The following CPVL variants were observed in gnomAD, a reference collection of about 807,000 sequenced individuals.
CPVL encodes carboxypeptidase vitellogenic like.
In CPVL, 51 loss-of-function variants were observed where a neutral mutation model predicts 63.7. The observed-to-expected ratio is 0.80, with a 90% CI of 0.64 to 1.01. The LOEUF (loss-of-function observed/expected upper bound fraction) is 1.01, where lower values mean the gene tolerates loss of function less well. Among genes scored for constraint, CPVL ranks in the 50% least tolerant of loss-of-function variants. CPVL has a pLI of 0.00. For missense variants in CPVL, 530 were observed against 573.1 expected (o/e 0.92, Z 0.77); for synonymous variants, 195 against 206.0 (o/e 0.95, Z 0.46).
intron 1 of CPVL, chr7:29,194,214 C>G (rs1319919306): frequency 7.0e-6 from 1 of 143,182 alleles, no homozygotes; most frequent in African/African-American, 2.5e-5. Context: ...CCATCCCCTT[C>G]AAATCCTAGG....
At chr7:29,148,626 TAAG>T (rs1274368693), upstream of CPVL, 13 of 152,366 alleles carry the variant, frequency 8.5e-5, no homozygotes, top group African/African-American at 3.1e-4. Flanking sequence ...CATTTCGACT[TAAG>T]AAGTTATTAA....
At chr7:29,191,940 G>T (rs759091634) in intron 1 of CPVL, 28 of 152,220 alleles carry the variant, frequency 1.8e-4, no homozygotes, top group Non-Finnish European at 4.0e-4. Context: ...GCAAGGAGCA[G>T]CCAGCCTTCA....
At chr7:29,070,996 A>T (rs1783676155) in intron 9 of CPVL, among the ~76,000 whole-genome samples, 1 of 152,200 alleles carries the variant, frequency 6.6e-6, no homozygotes, top group Admixed American at 6.5e-5. Flanking sequence ...CTCGAAATTC[A>T]GACCTTGCCT....
intron 1 of CPVL, 52 bp downstream of exon 1, chr7:29,146,377 A>G: frequency 1.5e-6 from 1 of 672,576 alleles, no homozygotes; most frequent in Non-Finnish European, 2.4e-6. Context: ...GACCGAGGCG[A>G]GGACCTGTCC....
intron 12 of CPVL, among the ~76,000 whole-genome samples, chr7:29,016,992 C>A (rs985827789): frequency 6.6e-6 from 1 of 152,172 alleles, no homozygotes; most frequent in African/African-American, 2.4e-5. Context: ...CCATTATAAA[C>A]TTCCCAAAGA....
intron 5 of CPVL, among the ~76,000 whole-genome samples, chr7:29,151,906 G>A (rs1408695603): frequency 6.6e-6 from 1 of 152,216 alleles, no homozygotes; most frequent in Non-Finnish European, 1.5e-5. Flanking sequence ...TTCACTGGTT[G>A]AAGGAAAGAC....
chr7:29,120,693 T>C (rs1397022094), intron 2 of CPVL, among the ~76,000 whole-genome samples, 200 bp downstream of exon 2: 1 of 151,016 alleles, frequency 6.6e-6, no homozygotes, highest in African/African-American at 2.4e-5. Context: ...TGGTGGCTTG[T>C]GCCTATAATC....
intron 11 of CPVL, among the ~76,000 whole-genome samples, chr7:29,049,376 A>G (rs966270156): frequency 6.6e-5 from 10 of 152,196 alleles, no homozygotes; most frequent in African/African-American, 2.4e-4. Context: ...ATTCAAGGCT[A>G]CTATGAACAC....
chr7:29,005,972 T>C (rs966077867), intron 12 of CPVL, among the ~76,000 whole-genome samples: 2 of 152,182 alleles, frequency 1.3e-5, no homozygotes, highest in Non-Finnish European at 1.5e-5. Flanking sequence ...CAGTAAATGC[T>C]CTCGCCAGGA....
intron 11 of CPVL, among the ~76,000 whole-genome samples, chr7:29,051,782 T>C (rs917395175): frequency 6.6e-6 from 1 of 152,014 alleles, no homozygotes; most frequent in Non-Finnish European, 1.5e-5. Flanking sequence ...ATGAAAAAGA[T>C]ACTTGCACAC....
rs746941326 is a variant in CPVL at position 29,030,640 on chromosome 7, C to A, written c.1257G>T (p.Trp419Cys). ...CTTCACTGTCAGATTTAAAGATCTT[C>A]CAAACTTTTTTTTCTGCCTTCTTGT... The part of the protein sequence containing the change: ...QEYKKAEKKV[W>C]KIFKSDSEVA... The change falls in exon 12 of 13, where the codon TGG becomes TGT. Residue 419 changes from tryptophan to cysteine, a missense_variant. By Grantham distance (215) the Trp-to-Cys change is radical. Transcript: ENST00000265394. 1 of 1,613,934 alleles carries A rather than the reference C, an allele frequency of 6.2e-7. No homozygotes were observed. Among genetic ancestry groups the A allele is most frequent in the Non-Finnish European group, 8.5e-7 (1 of 1,179,912 alleles).
At chr7:29,157,570 A>C (rs1004778382) in intron 5 of CPVL, among the ~76,000 whole-genome samples, 1 of 152,212 alleles carries the variant, frequency 6.6e-6, no homozygotes, top group Non-Finnish European at 1.5e-5. Flanking sequence ...AAAGTATGAA[A>C]ATATCACCCT....
At chr7:29,032,523 C>T (rs1182545225) in intron 11 of CPVL, among the ~76,000 whole-genome samples, 2 of 152,180 alleles carry the variant, frequency 1.3e-5, no homozygotes, top group African/African-American at 4.8e-5. Context: ...TGCAAAACCT[C>T]CTATAGTTGT....
chr7:28,995,990 G>A, intron 12 of CPVL, 108 bp from the exon 13 acceptor site: 1 of 640,560 alleles, frequency 1.6e-6, no homozygotes, highest in Non-Finnish European at 2.6e-6. Flanking sequence ...ATGAAATACA[G>A]AACATATTCT....
intron 3 of CPVL, among the ~76,000 whole-genome samples, chr7:29,101,917 G>A (rs1787182447): frequency 6.6e-6 from 1 of 152,090 alleles, no homozygotes; most frequent in South Asian, 2.1e-4. Flanking sequence ...AATATGTTGT[G>A]AAGATCTCTT....
upstream of CPVL, among the ~76,000 whole-genome samples, chr7:29,149,442 C>A (rs1016879540): frequency 6.6e-6 from 1 of 152,052 alleles, no homozygotes; most frequent in Non-Finnish European, 1.5e-5. Context: ...TATCCACCTG[C>A]CTTGGCCTCC....
chr7:29,167,889 A>T (rs1264469953), intron 5 of CPVL, among the ~76,000 whole-genome samples: 1 of 152,224 alleles, frequency 6.6e-6, no homozygotes, highest in African/African-American at 2.4e-5. Context: ...TTACTTACTG[A>T]TGCAAAAACC....
chr7:29,165,217 A>G (rs780481667), intron 5 of CPVL, among the ~76,000 whole-genome samples: 3 of 151,508 alleles, frequency 2.0e-5, no homozygotes, highest in Non-Finnish European at 4.4e-5. Context: ...TATCTCAACA[A>G]TGTTTTATGG....
intron 1 of CPVL, among the ~76,000 whole-genome samples, chr7:29,134,855 C>G (rs913840203): frequency 6.6e-6 from 1 of 152,034 alleles, no homozygotes; most frequent in African/African-American, 2.4e-5. Context: ...ATCCCAGAAC[C>G]TTGGGAGACC....
Sources: gnomAD v4.1 joint callset for allele counts (sites outside exome capture counted in the v4.1 genomes callset) on GRCh38, gnomAD v4.1.1 for gene constraint, MANE v1.5 for transcripts, NCBI Gene and HGNC (gene_info 2026-07-23, HGNC 2026-07-21) for gene names.